The following SORCS3 variants were observed in gnomAD, a reference collection of about 807,000 sequenced individuals.
SORCS3 encodes VPS10 domain-containing receptor SorCS3.
A neutral mutation model predicts 146.3 loss-of-function variants in SORCS3; 57 were observed. The ratio of observed to expected loss-of-function variants is 0.39; its 90% CI spans 0.31 to 0.49. The LOEUF (loss-of-function observed/expected upper bound fraction) is 0.49, where lower values mean the gene tolerates loss of function less well. Ranked by LOEUF, SORCS3 falls within the 20% of genes least tolerant of loss-of-function variation. The pLI is 0.92. For synonymous variants in SORCS3, 653 were observed against 618.5 expected, an observed-to-expected ratio of 1.06 and a Z score of -0.83; for missense variants, 1,341 against 1,575.5, an observed-to-expected ratio of 0.85 and a Z score of 2.52.
chr10:104,651,169 G>A (rs1396959906), intron 1 of SORCS3, among the ~76,000 whole-genome samples: 1 of 152,192 alleles, frequency 6.6e-6, no homozygotes, highest in Non-Finnish European at 1.5e-5. Context: ...TGGTGAAAGA[G>A]TTGCTTATCT....
At chr10:104,878,337 C>A (rs1425580828) in intron 2 of SORCS3, among the ~76,000 whole-genome samples, 1 of 152,076 alleles carries the variant, frequency 6.6e-6, no homozygotes, top group Admixed American at 6.6e-5. Flanking sequence ...GTAATACATT[C>A]TGTGAGGGAA....
At chr10:104,725,301 A>T (rs2016611971) in intron 1 of SORCS3, among the ~76,000 whole-genome samples, 1 of 152,190 alleles carries the variant, frequency 6.6e-6, no homozygotes, top group South Asian at 2.1e-4. Context: ...GATATTGGTG[A>T]ATAGCAAATG....
intron 1 of SORCS3, among the ~76,000 whole-genome samples, chr10:104,762,495 A>T (rs2017132856): frequency 6.6e-6 from 1 of 152,150 alleles, no homozygotes; most frequent in Admixed American, 6.5e-5. Context: ...CTCTTCAACC[A>T]AAACCTAAGC....
rs75142053 is a variant in SORCS3, at chr10:104,901,744, T to G, written c.696-14089T>G. 2.6e-5 allele frequency among the ~76,000 whole-genome samples: 4 copies of G among 152,360 alleles called. No homozygotes were observed. In the East Asian group the frequency reaches 7.7e-4, roughly 29 times the overall value. ...TTTCAGGCCTTGCTCATGCCTTGCT[T>G]TCTAGTTATCTAGTGAGAGATGGTC... On this transcript the variant is annotated intron_variant, in intron 2 of 26. Coordinates refer to ENST00000369701, the MANE Select transcript of SORCS3 (RefSeq NM_014978.3).
chr10:104,837,833 C>G (rs1485989999), intron 1 of SORCS3, among the ~76,000 whole-genome samples: 2 of 152,116 alleles, frequency 1.3e-5, no homozygotes, highest in African/African-American at 4.8e-5. Flanking sequence ...CTCTGCATTC[C>G]TATTCATTGC....
intron 20 of SORCS3, among the ~76,000 whole-genome samples, chr10:105,223,834 C>T (rs2056718516): frequency 6.6e-6 from 1 of 152,236 alleles, no homozygotes; most frequent in African/African-American, 2.4e-5. Context: ...CTGTGTCAAG[C>T]ATGACCACAA....
At chr10:104,869,731 A>G (rs1425516294) in intron 2 of SORCS3, among the ~76,000 whole-genome samples, 4 of 152,356 alleles carry the variant, frequency 2.6e-5, no homozygotes, top group Non-Finnish European at 5.9e-5. Flanking sequence ...CAGGATGCGT[A>G]ATTACTACAC....
At chr10:105,245,187 A>G (rs1487832382) in intron 20 of SORCS3, among the ~76,000 whole-genome samples, 3 of 152,102 alleles carry the variant, frequency 2.0e-5, no homozygotes, top group Non-Finnish European at 4.4e-5. Flanking sequence ...AATATAAGTG[A>G]CACCAGATAT....
At chr10:105,176,154 T>G (rs2056400038) in intron 13 of SORCS3, among the ~76,000 whole-genome samples, 1 of 152,188 alleles carries the variant, frequency 6.6e-6, no homozygotes, top group Admixed American at 6.6e-5. Context: ...ATTCATGTAT[T>G]CATTTAACAT....
intron 20 of SORCS3, among the ~76,000 whole-genome samples, chr10:105,236,646 A>G (rs2056794500): frequency 6.6e-6 from 1 of 152,164 alleles, no homozygotes; most frequent in East Asian, 1.9e-4. Flanking sequence ...ATGTTTCTCT[A>G]CAGCTCTATT....
chr10:104,672,254 A>G (rs1251421579), intron 1 of SORCS3, among the ~76,000 whole-genome samples: 1 of 152,160 alleles, frequency 6.6e-6, no homozygotes, highest in Non-Finnish European at 1.5e-5. Flanking sequence ...ATTTGTTGGC[A>G]TACAATTGTT....
intron 14 of SORCS3, among the ~76,000 whole-genome samples, chr10:105,193,212 A>G (rs1564781219): frequency 6.6e-6 from 1 of 152,176 alleles, no homozygotes; most frequent in Non-Finnish European, 1.5e-5. Context: ...AAATCCTAGC[A>G]CAGTCCAGGG....
At chr10:105,045,374 T>C (rs775049241) in intron 5 of SORCS3, among the ~76,000 whole-genome samples, 2 of 152,158 alleles carry the variant, frequency 1.3e-5, no homozygotes, top group South Asian at 2.1e-4. Flanking sequence ...CAAGGGGAAA[T>C]ATAACAGTTT....
intron 8 of SORCS3, among the ~76,000 whole-genome samples, chr10:105,143,964 C>G (rs569281510): frequency 4.7e-4 from 72 of 152,244 alleles, no homozygotes; most frequent in African/African-American, 1.7e-3. Context: ...CATTGCCCCT[C>G]TTAAGTCTTC....
intron 20 of SORCS3, among the ~76,000 whole-genome samples, chr10:105,233,400 T>A (rs1204933257): frequency 6.6e-6 from 1 of 152,146 alleles, no homozygotes; most frequent in East Asian, 1.9e-4. Flanking sequence ...TTGAGAATAA[T>A]ACTTTTCTTT....
chr10:105,095,319 G>A (rs1289347827), intron 6 of SORCS3, among the ~76,000 whole-genome samples: 1 of 152,120 alleles, frequency 6.6e-6, no homozygotes, highest in Non-Finnish European at 1.5e-5. Context: ...TAGTGGCCCC[G>A]GACAAGTGGT....
At chr10:105,233,817 C>T (rs973192369) in intron 20 of SORCS3, among the ~76,000 whole-genome samples, 2 of 152,120 alleles carry the variant, frequency 1.3e-5, no homozygotes, top group Non-Finnish European at 2.9e-5. Context: ...CATTGATGGG[C>T]ATTTGGGTTG....
intron 22 of SORCS3, 67 bp from the exon 23 acceptor site, chr10:105,252,708 G>A: frequency 2.5e-6 from 4 of 1,604,300 alleles, no homozygotes; most frequent in Non-Finnish European, 3.4e-6. Context: ...TGCACACTCT[G>A]CTCTTGTCAT....
At chr10:104,708,856 G>A (rs2016379911) in intron 1 of SORCS3, among the ~76,000 whole-genome samples, 1 of 152,166 alleles carries the variant, frequency 6.6e-6, no homozygotes, top group African/African-American at 2.4e-5. Context: ...AAGCCCTTTT[G>A]AGGCATATAG....
Sources: allele counts gnomAD v4.1 joint callset (sites outside exome capture counted in the v4.1 genomes callset), GRCh38; gene constraint gnomAD v4.1.1; transcripts MANE v1.5; gene names NCBI Gene and HGNC (gene_info 2026-07-23, HGNC 2026-07-21).